TBC1D19: variants seen among roughly 807,000 people sequenced by gnomAD.
TBC1D19 encodes the protein TBC1 domain family, member 19.
A neutral mutation model predicts 89.0 loss-of-function variants in TBC1D19; 60 were observed. That is an observed-to-expected ratio of 0.67 (90% CI 0.55 to 0.84). The LOEUF is 0.84. Ranked by LOEUF, TBC1D19 falls within the 40% of genes least tolerant of loss-of-function variation. TBC1D19 has a pLI of 0.00. For missense variants in TBC1D19, 500 were observed against 610.8 expected (o/e 0.82, Z 1.91); for synonymous variants, 189 against 199.7 (o/e 0.95, Z 0.45).
intron 8 of TBC1D19, among the ~76,000 whole-genome samples, chr4:26,665,123 A>G (rs1376515411): frequency 5.9e-5 from 9 of 152,200 alleles, no homozygotes; most frequent in Admixed American, 2.6e-4. Flanking sequence ...ACATCAGAAC[A>G]TGGGCTAGCA....
chr4:26,838,584 C>T, the TBC1D19 span, among the ~76,000 whole-genome samples: 2 of 152,208 alleles, frequency 1.3e-5, no homozygotes, highest in Admixed American at 6.5e-5. Context: ...AGCTCCATAT[C>T]TCCTGAACCC....
chr4:26,784,018 C>T, the TBC1D19 span, among the ~76,000 whole-genome samples: 1 of 152,184 alleles, frequency 6.6e-6, no homozygotes, highest in Non-Finnish European at 1.5e-5. Context: ...GGAACCAGGT[C>T]AGAGTTGAAC....
intron 16 of TBC1D19, among the ~76,000 whole-genome samples, chr4:26,738,342 A>G (rs1718160325): frequency 1.3e-5 from 2 of 151,584 alleles, no homozygotes; most frequent in East Asian, 1.9e-4. Context: ...AAGTTTTCAC[A>G]TATCAATATC....
chr4:26,740,742 T>C (rs1718315539), intron 17 of TBC1D19: 2 of 985,284 alleles, frequency 2.0e-6, no homozygotes, highest in African/African-American at 3.5e-5. Flanking sequence ...AGGTGAAACA[T>C]TCAATTGGAA....
At chr4:26,629,242 C>T (rs985942277) in intron 4 of TBC1D19, among the ~76,000 whole-genome samples, 7 of 152,012 alleles carry the variant, frequency 4.6e-5, no homozygotes, top group Non-Finnish European at 8.8e-5. Flanking sequence ...AGCTTCTGCA[C>T]ATCATTTATG....
chr4:26,725,921 A>G (rs1316118833), intron 15 of TBC1D19, among the ~76,000 whole-genome samples: 2 of 152,176 alleles, frequency 1.3e-5, no homozygotes, highest in African/African-American at 4.8e-5. Context: ...AATACAGAGG[A>G]ATAAGAATAG....
At chr4:26,777,182 TGGAGTGCAATG>T in the TBC1D19 span, among the ~76,000 whole-genome samples, 1 of 149,040 alleles carries the variant, frequency 6.7e-6, no homozygotes, top group African/African-American at 2.5e-5. Flanking sequence ...TTGCCCAGGA[TGGAGTGCAATG>T]GTGCAATCTT....
At chr4:26,661,644 A>G (rs761256028) in intron 8 of TBC1D19, among the ~76,000 whole-genome samples, 56 of 152,314 alleles carry the variant, frequency 3.7e-4, no homozygotes, top group Admixed American at 7.2e-4. Flanking sequence ...GGGAATGACC[A>G]CTAATAGGCA....
chr4:26,800,003 T>C, the TBC1D19 span, among the ~76,000 whole-genome samples: 13,164 of 152,244 alleles, frequency 0.086, 1,660 homozygotes, highest in African/African-American at 0.28. Flanking sequence ...CATTTCTTTT[T>C]TTAAATTTTA....
At chr4:26,679,239 A>G (rs1176399580) in intron 11 of TBC1D19, among the ~76,000 whole-genome samples, 1 of 152,130 alleles carries the variant, frequency 6.6e-6, no homozygotes, top group African/African-American at 2.4e-5. Context: ...TTCCTGAGCC[A>G]AGCCCCGGGC....
the TBC1D19 span, among the ~76,000 whole-genome samples, chr4:26,850,560 A>AAAAAAAAAAAAC: frequency 6.7e-6 from 1 of 148,590 alleles, no homozygotes; most frequent in African/African-American, 2.5e-5. Flanking sequence ...AAAAAAAAAA[A>AAAAAAAAAAAAC]AAGAAGAAGA....
chr4:26,614,477 A>G lies in TBC1D19; in HGVS notation c.218+24A>G, dbSNP rs754930164. 9 of 1,564,022 alleles carry G rather than the reference A, an allele frequency of 5.8e-6. No homozygotes were observed. In the African/African-American group the frequency reaches 1.1e-4, roughly 19 times the overall value. On this transcript the variant is annotated intron_variant, in intron 3 of 20. Transcript: ENST00000264866. ...GTGTGAGTTTTCCCACCTATTTTACAATAGTATTTTGTTTAGCTATATTTA... is the reference window on the plus strand; with the variant it reads ...GTGTGAGTTTTCCCACCTATTTTACGATAGTATTTTGTTTAGCTATATTTA...
intron 7 of TBC1D19, among the ~76,000 whole-genome samples, chr4:26,642,296 T>G (rs1743599726): frequency 6.6e-6 from 1 of 152,178 alleles, no homozygotes; most frequent in African/African-American, 2.4e-5. Context: ...AAGAAAAGAA[T>G]TTTCAACCCA....
intron 1 of TBC1D19, among the ~76,000 whole-genome samples, chr4:26,601,453 G>T (rs1740601998): frequency 6.6e-6 from 1 of 152,138 alleles, no homozygotes; most frequent in Admixed American, 6.6e-5. Context: ...AAAGAAGAAT[G>T]CAAATGAATA....
the TBC1D19 span, among the ~76,000 whole-genome samples, chr4:26,812,571 A>G: frequency 3.7e-3 from 562 of 152,104 alleles, 1 homozygote; most frequent in Non-Finnish European, 6.8e-3. The surrounding 1 kb of genome is among the most constrained non-coding windows in gnomAD (Gnocchi z 4.2). Flanking sequence ...GGAGTGTGCA[A>G]CTCTGCTTTT....
chr4:26,755,009 C>CA lies in TBC1D19; in HGVS notation c.*65dup. 6.9e-7 allele frequency: 1 copy of CA among 1,457,950 alleles called. No individual in the cohort carries two copies. Among genetic ancestry groups the CA allele is most frequent in the South Asian group, 1.3e-5 (1 of 78,640 alleles). The allele number at this position is 1,457,950 out of a possible 1,614,324, so 90.3% of individuals were successfully genotyped here. ...CATTAGAAACAAATCATGAACTATG[C>CA]AAACTCTGCATAAAACCAAAATGAA... On this transcript the variant is annotated 3_prime_UTR_variant, in exon 21 of 21. Coordinates refer to ENST00000264866, the MANE Select transcript of TBC1D19 (RefSeq NM_018317.4).
intron 8 of TBC1D19, among the ~76,000 whole-genome samples, 181 bp from the exon 9 acceptor site, chr4:26,666,152 G>T (rs550704707): frequency 1.7e-4 from 25 of 151,298 alleles, no homozygotes; most frequent in Non-Finnish European, 1.5e-4. Context: ...CTTAATTTTG[G>T]ACTAATGCCT....
chr4:26,855,881 A>G, the TBC1D19 span, among the ~76,000 whole-genome samples: 8 of 152,248 alleles, frequency 5.3e-5, no homozygotes, highest in African/African-American at 9.6e-5. Context: ...AATATTGTGT[A>G]TATTTATGGA....
rs558489780 is a variant in TBC1D19 at position 26,652,999 on chromosome 4, G to A, written c.481-6598G>A. On this transcript the variant is annotated intron_variant, in intron 7 of 20. Transcript: ENST00000264866. The stretch of plus-strand genomic sequence containing the variant: ...AGATCTTTCCTGCTTTCTCTTGTGG[G>A]CATTTAGTTCCATAAATTTCCTTCT... Among the ~76,000 whole-genome samples, 14 of 152,236 alleles carry A rather than the reference G, an allele frequency of 9.2e-5. No homozygotes were observed. In the South Asian group the frequency reaches 2.3e-3, roughly 25 times the overall value.
Sources: allele counts gnomAD v4.1 joint callset (sites outside exome capture counted in the v4.1 genomes callset), GRCh38; gene constraint gnomAD v4.1.1; non-coding constraint Gnocchi (gnomAD v3.1); transcripts MANE v1.5; gene names NCBI Gene and HGNC (gene_info 2026-07-23, HGNC 2026-07-21).